Variants in CRACD observed in about 807,000 individuals in gnomAD.
CRACD encodes capping protein-inhibiting regulator of actin dynamics.
A neutral mutation model predicts 106.8 loss-of-function variants in CRACD; 56 were observed. That is an observed-to-expected ratio of 0.52 (90% CI 0.42 to 0.66). CRACD has a LOEUF of 0.66. Among genes scored for constraint, CRACD ranks in the 30% least tolerant of loss-of-function variants. The pLI, the probability that CRACD is intolerant of heterozygous loss-of-function variation, is 0.00. For synonymous variants in CRACD, 754 were observed against 670.8 expected (o/e 1.12, Z -1.92); for missense variants, 1,730 against 1,623.2 (o/e 1.07, Z -1.13).
At chr4:56,298,088 G>C in intron 3 of CRACD, 126 bp from the exon 4 acceptor site, 2 of 1,064,040 alleles carry the variant, frequency 1.9e-6, no homozygotes, top group Non-Finnish European at 1.4e-6. Flanking sequence ...GGGACACAAT[G>C]CTGAAAGTGC....
chr4:56,203,787 C>T (rs1737996374), intron 2 of CRACD, among the ~76,000 whole-genome samples: 1 of 152,316 alleles, frequency 6.6e-6, no homozygotes, highest in South Asian at 2.1e-4. Context: ...GCTCTGCCCA[C>T]CTTAACCTTA....
chr4:56,099,929 A>G (rs1030004322), intron 1 of CRACD, among the ~76,000 whole-genome samples: 2 of 152,128 alleles, frequency 1.3e-5, no homozygotes, highest in African/African-American at 4.8e-5. Flanking sequence ...TTTCTAGAAA[A>G]TGAATGAATT....
rs1345587979 is a variant in CRACD at position 56,316,166 on chromosome 4, C to G, written c.2664C>G (p.Ser888Arg). ...SADAGPPAAG[S>R]ARGEKEMEGV... The stretch of plus-strand genomic sequence containing the variant: ...ATGCAGGGCCGCCTGCAGCGGGGAG[C>G]GCTCGTGGAGAGAAAGAGATGGAGG... Residue 888 changes from serine (S) to arginine (R), a missense_variant, in exon 8 of 11, where the codon AGC becomes AGG. Around this residue, in one of 5 missense-constraint regions of CRACD, gnomAD observed 1,620 missense variants for 1,481.6 expected, o/e 1.09. Transcript: ENST00000682029. 5 of 1,614,000 alleles carry G rather than the reference C, an allele frequency of 3.1e-6. No individual in the cohort carries two copies. The highest frequency in any genetic ancestry group is 3.4e-6 in the Non-Finnish European group (4 of 1,180,020).
intron 3 of CRACD, among the ~76,000 whole-genome samples, chr4:56,296,667 C>T (rs538071978): frequency 6.6e-6 from 1 of 152,154 alleles, no homozygotes; most frequent in Non-Finnish European, 1.5e-5. Context: ...GTAGGGGCCC[C>T]TTTCTGGGGA....
At chr4:56,249,836 A>G (rs1740943352) in intron 2 of CRACD, among the ~76,000 whole-genome samples, 1 of 152,178 alleles carries the variant, frequency 6.6e-6, no homozygotes, top group African/African-American at 2.4e-5. Flanking sequence ...GTAGTTTAAA[A>G]TTGTATGTGT....
intron 2 of CRACD, among the ~76,000 whole-genome samples, chr4:56,227,842 G>A (rs1739390351): frequency 6.6e-6 from 1 of 152,194 alleles, no homozygotes; most frequent in African/African-American, 2.4e-5. Context: ...AGGTAACTGT[G>A]TTCTAGGACA....
chr4:56,314,350 CG>C lies in CRACD; in HGVS notation c.850del (p.Glu284LysfsTer140). 6.5e-7 allele frequency: 1 copy of C among 1,548,418 alleles called. No homozygotes were observed. The highest frequency in any genetic ancestry group is 8.7e-7 in the Non-Finnish European group (1 of 1,146,580). On this transcript the variant is annotated frameshift_variant, in exon 8 of 11. Transcript: ENST00000682029. LOFTEE classifies it high-confidence loss of function. The surrounding 1 kb of genome is among the most constrained non-coding windows in gnomAD (Gnocchi z 4.4). Reference protein sequence around the residue: ...EGEGQEPPLEAERAPREEQQR... With the variant: ...EGEGQEPPLEXERAPREEQQR... ...GAGGGGCAGGAGCCGCCTCTAGAGG[CG>C]GAAAGGGCGCCGCGGGAAGAGCAGC...
intron 2 of CRACD, among the ~76,000 whole-genome samples, chr4:56,238,962 C>T (rs1740178950): frequency 6.6e-6 from 1 of 152,082 alleles, no homozygotes; most frequent in Non-Finnish European, 1.5e-5. Flanking sequence ...ACCAAAAGCC[C>T]CAAGTTCAGA....
chr4:56,136,217 A>G (rs1031351706), intron 1 of CRACD, among the ~76,000 whole-genome samples: 5 of 152,194 alleles, frequency 3.3e-5, no homozygotes, highest in Non-Finnish European at 5.9e-5. Flanking sequence ...AAGTTGCCAT[A>G]AACATTCATG....
chr4:56,257,197 T>G (rs1233929736), intron 2 of CRACD, among the ~76,000 whole-genome samples: 1 of 151,836 alleles, frequency 6.6e-6, no homozygotes, highest in African/African-American at 2.4e-5. Context: ...TTCTCATGTT[T>G]CAGCCTCCCA....
chr4:56,303,394 T>G (rs1744484578), intron 4 of CRACD, among the ~76,000 whole-genome samples: 1 of 152,112 alleles, frequency 6.6e-6, no homozygotes, highest in Non-Finnish European at 1.5e-5. Context: ...ATATATTTTT[T>G]TTAAAGATGG....
intron 4 of CRACD, among the ~76,000 whole-genome samples, 192 bp downstream of exon 4, chr4:56,298,541 A>G (rs905302734): frequency 1.3e-5 from 2 of 152,168 alleles, no homozygotes; most frequent in South Asian, 2.1e-4. Flanking sequence ...GAGCTACACT[A>G]TCACCACTGC....
intron 1 of CRACD, among the ~76,000 whole-genome samples, chr4:56,108,349 A>G (rs1249236283): frequency 2.0e-5 from 3 of 152,196 alleles, no homozygotes; most frequent in Non-Finnish European, 4.4e-5. Context: ...CCCAAAATGC[A>G]CAAACCTCAG....
chr4:56,197,928 C>T (rs994233930), intron 2 of CRACD, among the ~76,000 whole-genome samples: 4 of 152,156 alleles, frequency 2.6e-5, no homozygotes, highest in East Asian at 1.9e-4. Flanking sequence ...CCGCCCGCCT[C>T]GGCCTCCCAA....
At chr4:56,263,419 A>G (rs943194178) in intron 2 of CRACD, among the ~76,000 whole-genome samples, 1 of 152,170 alleles carries the variant, frequency 6.6e-6, no homozygotes, top group African/African-American at 2.4e-5. Flanking sequence ...ACAAATTTAT[A>G]TATTTGTAGT....
rs73817446 is a variant in CRACD, at chr4:56,264,445, A to G, written c.-188-7876A>G. On this transcript the variant is annotated intron_variant, in intron 2 of 10. Transcript: ENST00000682029. ...AAGCCTAACCACATATACCACATATACCACATATGCCACATATGCCATAGC... is the reference window on the plus strand; with the variant it reads ...AAGCCTAACCACATATACCACATATGCCACATATGCCACATATGCCATAGC... 8.7e-4 allele frequency among the ~76,000 whole-genome samples: 76 copies of G among 87,838 alleles called. 1 individual carries two copies. Among genetic ancestry groups the G allele is most frequent in the Non-Finnish European group, 3.6e-4 (13 of 35,990 alleles). 57.6% of individuals were successfully genotyped at this position (87,838 alleles called of 152,430 possible).
chr4:56,264,802 G>T (rs1741909020), intron 2 of CRACD, among the ~76,000 whole-genome samples: 1 of 152,158 alleles, frequency 6.6e-6, no homozygotes, highest in African/African-American at 2.4e-5. Flanking sequence ...AATTATAAAA[G>T]TATTAATTTG....
At chr4:56,234,050 T>C (rs1472641611) in intron 2 of CRACD, among the ~76,000 whole-genome samples, 1 of 152,158 alleles carries the variant, frequency 6.6e-6, no homozygotes, top group African/African-American at 2.4e-5. Context: ...CTTTCTGGAC[T>C]CACTAGATCT....
At chr4:56,137,302 A>G (rs1033765449) in intron 1 of CRACD, among the ~76,000 whole-genome samples, 1 of 152,162 alleles carries the variant, frequency 6.6e-6, no homozygotes, top group Non-Finnish European at 1.5e-5. Context: ...GAAAATTTTC[A>G]GCTCCATCAT....
Sources: allele counts gnomAD v4.1 joint callset (sites outside exome capture counted in the v4.1 genomes callset), GRCh38; gene constraint gnomAD v4.1.1; regional missense constraint gnomAD v4.1.1; non-coding constraint Gnocchi (gnomAD v3.1); transcripts MANE v1.5; gene names NCBI Gene and HGNC (gene_info 2026-07-23, HGNC 2026-07-21).